Variants in CLEC5A observed in about 807,000 individuals in gnomAD.
The protein encoded by CLEC5A is C-type lectin domain containing 5A.
CLEC5A carries 15 observed loss-of-function variants against 24.4 expected under a neutral mutation model. The ratio of observed to expected loss-of-function variants is 0.62; its 90% CI spans 0.41 to 0.95. CLEC5A has a LOEUF of 0.95. Among genes scored for constraint, CLEC5A ranks in the 40% least tolerant of loss-of-function variants. The probability of loss-of-function intolerance (pLI) is 0.00; values close to 1 mark genes in which losing one functional copy is unlikely to be tolerated. For synonymous variants in CLEC5A, 71 were observed against 72.6 expected (o/e 0.98, Z 0.11); for missense variants, 211 against 224.0 (o/e 0.94, Z 0.37).
intron 5 of CLEC5A, among the ~76,000 whole-genome samples, chr7:141,934,109 A>G (rs1486455514): frequency 1.3e-5 from 2 of 152,220 alleles, no homozygotes; most frequent in Non-Finnish European, 2.9e-5. Flanking sequence ...TGGCATGGTC[A>G]TGAACCTGAC....
chr7:141,933,800 T>C (rs945028619), intron 5 of CLEC5A, among the ~76,000 whole-genome samples: 78 of 151,828 alleles, frequency 5.1e-4, no homozygotes, highest in African/African-American at 1.8e-3. Context: ...TCTTGCAGAC[T>C]GATAGAGGGC....
intron 6 of CLEC5A, 197 bp downstream of exon 6, chr7:141,931,523 T>A (rs1214027788): frequency 1.8e-6 from 1 of 550,292 alleles, no homozygotes; most frequent in African/African-American, 1.9e-5. Flanking sequence ...TCTTTCTCCT[T>A]ATGAAAGTTT....
intron 5 of CLEC5A, among the ~76,000 whole-genome samples, chr7:141,935,127 A>C (rs1195380002): frequency 2.0e-5 from 3 of 152,222 alleles, no homozygotes; most frequent in Non-Finnish European, 4.4e-5. Context: ...TCTAAATCAC[A>C]GGAGGACTTT....
chr7:141,940,927 A>G lies in CLEC5A; in HGVS notation c.208+2969T>C, dbSNP rs112136034. ...ATCAATAACAAGTAATGAGATGAAAACCATGATAAAAACTCTCCCAATAAA... is the reference window on the plus strand; with the variant it reads ...ATCAATAACAAGTAATGAGATGAAAGCCATGATAAAAACTCTCCCAATAAA... On this transcript the variant is annotated intron_variant, in intron 4 of 6. Transcript: ENST00000546910. Among the ~76,000 whole-genome samples, 663 of 152,068 alleles carry G rather than the reference A, an allele frequency of 4.4e-3. 5 individuals are homozygous for G. Among genetic ancestry groups the G allele is most frequent in the African/African-American group, 0.015 (637 of 41,540 alleles).
chr7:141,940,895 T>C (rs1196751995), intron 4 of CLEC5A, among the ~76,000 whole-genome samples: 1 of 151,956 alleles, frequency 6.6e-6, no homozygotes, highest in African/African-American at 2.4e-5. Context: ...ATCCAAAACC[T>C]GAACAGATCA....
intron 1 of CLEC5A, 130 bp from the exon 2 acceptor site, chr7:141,946,442 G>C: frequency 5.3e-6 from 4 of 754,500 alleles, no homozygotes; most frequent in Non-Finnish European, 8.5e-6. Context: ...ACATTGACAG[G>C]TACCAGGAGG....
At chr7:141,939,242 A>G (rs77676669) in intron 4 of CLEC5A, among the ~76,000 whole-genome samples, 1,941 of 152,326 alleles carry the variant, frequency 0.013, 36 homozygotes, top group African/African-American at 0.044. Flanking sequence ...AAACAAAGTT[A>G]TAAATAGAAA....
At chr7:141,943,521 C>A (rs1314394932) in intron 4 of CLEC5A, among the ~76,000 whole-genome samples, 2 of 151,750 alleles carry the variant, frequency 1.3e-5, no homozygotes, top group Non-Finnish European at 2.9e-5. Context: ...TTTGCTGGCA[C>A]AACAGGGTGA....
In CLEC5A at chr7:141,946,025, A is replaced by G. The variant is rs1554442100; in HGVS notation, c.79+189T>C. ...AAGTTCTATATCTCCAAGGTAGACC[A>G]AGGAGCCTGGGCCACTGTGTGTGCT... On this transcript the variant is annotated intron_variant, in intron 2 of 6. Transcript: ENST00000546910. 5.0e-6 allele frequency: 3 copies of G among 603,268 alleles called. No individual in the cohort carries two copies. The African/African-American group carries it at 5.6e-5, about 11-fold the overall frequency. 37.4% of individuals were successfully genotyped at this position (603,268 alleles called of 1,614,324 possible).
At position 141,937,930 on chromosome 7, in the gene CLEC5A, G is replaced by A. The variant is rs116416454; in HGVS notation, c.209-1980C>T. Among the ~76,000 whole-genome samples, 661 of 152,294 alleles carry A rather than the reference G, an allele frequency of 4.3e-3. 5 individuals are homozygous for A. Among genetic ancestry groups the A allele is most frequent in the African/African-American group, 0.015 (635 of 41,560 alleles). ...GATCTTATCCAAGACCAACCAGGTGGGTACCTCTACGAGTCTGCAAGACCC... is the reference window on the plus strand; with the variant it reads ...GATCTTATCCAAGACCAACCAGGTGAGTACCTCTACGAGTCTGCAAGACCC... On this transcript the variant is annotated intron_variant, in intron 4 of 6. Transcript: ENST00000546910.
chr7:141,934,750 T>C (rs1316858782), intron 5 of CLEC5A, among the ~76,000 whole-genome samples: 1 of 149,314 alleles, frequency 6.7e-6, no homozygotes, highest in Non-Finnish European at 1.5e-5. Context: ...CTCAGCCACT[T>C]AAGTAGCTGG....
chr7:141,931,651 C>T lies in CLEC5A; in HGVS notation c.452+69G>A, dbSNP rs201368100. 3.8e-4 allele frequency: 323 copies of T among 848,386 alleles called. 1 individual carries two copies. Among genetic ancestry groups the T allele is most frequent in the Middle Eastern group, 3.5e-3 (16 of 4,556 alleles). The allele number at this position is 848,386 out of a possible 1,614,324, so 52.6% of individuals were successfully genotyped here. ...GCGTTTGAGCTATTCCAGGGTGAAC[C>T]CAGCAATCTCAGGTTTGGTCTTTTG... On this transcript the variant is annotated intron_variant, in intron 6 of 6. Transcript: ENST00000546910.
chr7:141,931,036 A>G (rs1285936), intron 6 of CLEC5A, among the ~76,000 whole-genome samples: 150,426 of 152,178 alleles, frequency 0.99, 74,374 homozygotes, highest in Middle Eastern at 1. Flanking sequence ...AAGATTATTG[A>G]TGTTCTCACC....
chr7:141,933,530 G>A (rs118032220), intron 5 of CLEC5A, among the ~76,000 whole-genome samples: 1,830 of 147,212 alleles, frequency 0.012, 57 homozygotes, highest in South Asian at 0.11. Context: ...AATAGGCTGA[G>A]GTGGACATCC....
At chr7:141,934,168 A>G (rs1802548430) in intron 5 of CLEC5A, among the ~76,000 whole-genome samples, 1 of 152,162 alleles carries the variant, frequency 6.6e-6, no homozygotes, top group Non-Finnish European at 1.5e-5. Flanking sequence ...AATTTGGAAA[A>G]TGGTACAGTT....
At position 141,930,187 on chromosome 7, in the gene CLEC5A, C is replaced by A. The variant is rs1802414338; in HGVS notation, c.484G>T (p.Ala162Ser). Reference protein sequence around the residue: ...VTNQNQNFNCATIGLTKTFDA... With the variant: ...VTNQNQNFNCSTIGLTKTFDA... ...AATGTCTTTGTTAGGCCAATGGTCG[C>A]ACAGTTGAAATTCTGATTCTGATTG... Residue 162 changes from alanine (A) to serine (S), a missense_variant, in exon 7 of 7, where the codon GCG becomes TCG. Transcript: ENST00000546910. 6.2e-7 allele frequency: 1 copy of A among 1,613,946 alleles called. No individual in the cohort carries two copies.
chr7:141,932,169 A>C (rs189767205), intron 5 of CLEC5A, among the ~76,000 whole-genome samples: 1 of 152,296 alleles, frequency 6.6e-6, no homozygotes, highest in Admixed American at 6.5e-5. Context: ...GGTACTGTAC[A>C]ATCTAAAACA....
At position 141,931,608 on chromosome 7, in the gene CLEC5A, G is replaced by A. The variant is rs1177530359; in HGVS notation, c.452+112C>T. 4 of 711,336 alleles carry A rather than the reference G, an allele frequency of 5.6e-6. No individual in the cohort carries two copies. The East Asian group carries it at 7.6e-5, about 14-fold the overall frequency. 44.1% of individuals were successfully genotyped at this position (711,336 alleles called of 1,614,324 possible). On this transcript the variant is annotated intron_variant, in intron 6 of 6. Transcript: ENST00000546910. ...TGGGTTGGAAGAAAGGAGAAGAGCA[G>A]AACAGAGTCAAGTGTCAGCGTTTGA...
At position 141,936,150 on chromosome 7, in the gene CLEC5A, G is replaced by T. The variant is rs76074079; in HGVS notation, c.209-200C>A. 441 of 574,928 alleles carry T rather than the reference G, an allele frequency of 7.7e-4. 1 individual carries two copies. Among genetic ancestry groups the T allele is most frequent in the African/African-American group, 7.4e-3 (395 of 53,214 alleles). The allele number at this position is 574,928 out of a possible 1,614,324, so 35.6% of individuals were successfully genotyped here. A position where few individuals can be genotyped will look rare whatever the true frequency, so the allele number is the denominator to read the frequency against. ...ATATAAGGAGAATAAGGAGAAGAGC[G>T]CAGTGGCTGAATAAAGTTTCCATTA... On this transcript the variant is annotated intron_variant, in intron 4 of 6. Coordinates refer to ENST00000546910, the MANE Select transcript of CLEC5A (RefSeq NM_013252.3).
Sources: gnomAD v4.1 joint callset for allele counts (sites outside exome capture counted in the v4.1 genomes callset) on GRCh38, gnomAD v4.1.1 for gene constraint, MANE v1.5 for transcripts, NCBI Gene and HGNC (gene_info 2026-07-23, HGNC 2026-07-21) for gene names.